STIM2: variants seen among roughly 807,000 people sequenced by gnomAD.
STIM2 encodes the protein stromal interaction molecule 2.
A neutral mutation model predicts 85.8 loss-of-function variants in STIM2; 31 were observed. That is an observed-to-expected ratio of 0.36 (90% CI 0.27 to 0.49). The LOEUF (loss-of-function observed/expected upper bound fraction) is 0.49. STIM2 is among the 20% of genes least tolerant of loss of function. STIM2 has a pLI of 0.98. For missense variants in STIM2, 841 were observed against 927.6 expected, an observed-to-expected ratio of 0.91 and a Z score of 1.21; for synonymous variants, 356 against 331.1, an observed-to-expected ratio of 1.08 and a Z score of -0.82.
In STIM2 at chr4:26,870,630, T is replaced by C. The variant is rs114084999; in HGVS notation, c.151+9261T>C. On this transcript the variant is annotated intron_variant, in intron 1 of 11. Coordinates refer to ENST00000467087, the MANE Select transcript of STIM2 (RefSeq NM_020860.4). ...AGGTATCATTCCTTTTTCACTCTTT[T>C]GTATACTTTATTAAAAAACAAGCAA... Among the ~76,000 whole-genome samples, 1,353 of 152,298 alleles carry C rather than the reference T, an allele frequency of 8.9e-3. 29 individuals are homozygous for C. Among genetic ancestry groups the C allele is most frequent in the African/African-American group, 0.031 (1,295 of 41,538 alleles).
At chr4:26,872,239 A>G (rs1722647527) in intron 1 of STIM2, among the ~76,000 whole-genome samples, 1 of 152,196 alleles carries the variant, frequency 6.6e-6, no homozygotes, top group East Asian at 1.9e-4. Context: ...GTGGTCCGAG[A>G]TTAGTTAAAA....
rs1215280672 is a variant in STIM2 at position 27,022,838 on chromosome 4, C to A, written c.2083C>A (p.His695Asn). The A allele has an allele frequency of 9.3e-6, 15 of 1,614,214 alleles. No homozygotes were observed. The highest frequency in any genetic ancestry group is 1.3e-5 in the Non-Finnish European group (15 of 1,180,040). Residue 695 changes from histidine (H) to asparagine (N), a missense_variant, in exon 12 of 12, where the codon CAC becomes AAC. This residue lies in a region of STIM2 where 293 missense variants were observed against 284.5 expected (regional missense o/e 1.03). Coordinates refer to ENST00000467087, the MANE Select transcript of STIM2 (RefSeq NM_020860.4). ...TGGCATCCCGGTGCCTAAACCTCGCCACACATCATGTTCCTCAGCTGGCAA... is the reference window on the plus strand; with the variant it reads ...TGGCATCCCGGTGCCTAAACCTCGCAACACATCATGTTCCTCAGCTGGCAA...
intron 1 of STIM2, among the ~76,000 whole-genome samples, chr4:26,893,356 G>GT (rs1176034526): frequency 6.6e-6 from 1 of 151,914 alleles, no homozygotes; most frequent in African/African-American, 2.4e-5. Flanking sequence ...TACAATTTGT[G>GT]TATGTTTACC....
chr4:26,913,166 A>T (rs1176950179), intron 1 of STIM2, among the ~76,000 whole-genome samples: 1 of 152,126 alleles, frequency 6.6e-6, no homozygotes, highest in Non-Finnish European at 1.5e-5. Context: ...TTTCACTTTC[A>T]TAAGGTCACT....
intron 3 of STIM2, among the ~76,000 whole-genome samples, chr4:26,985,542 C>T (rs1459600555): frequency 6.6e-6 from 1 of 152,084 alleles, no homozygotes; most frequent in African/African-American, 2.4e-5. Context: ...TTCATATAGC[C>T]AACTTTAAAT....
chr4:26,957,778 C>CT, intron 3 of STIM2, 52 bp downstream of exon 3: 1 of 1,110,900 alleles, frequency 9.0e-7, no homozygotes, highest in Non-Finnish European at 1.3e-6. Flanking sequence ...ATCTAGCCTG[C>CT]TTAGTTGTTC....
At chr4:26,974,136 G>A (rs559590789) in intron 3 of STIM2, among the ~76,000 whole-genome samples, 232 of 152,176 alleles carry the variant, frequency 1.5e-3, no homozygotes, top group African/African-American at 5.4e-3. Flanking sequence ...GTCTTTGCGC[G>A]TGCTGTGGGT....
chr4:26,880,622 A>AAT (rs949019233), intron 1 of STIM2, among the ~76,000 whole-genome samples: 2 of 146,390 alleles, frequency 1.4e-5, no homozygotes, highest in Non-Finnish European at 3.0e-5. Context: ...TATATATGTA[A>AAT]ATATATATAT....
chr4:26,861,227 G>A lies in STIM2; in HGVS notation c.9G>A (p.Val3=). ...GGCGGCGCTGGGCTGCGTTGCTGGTGCTCGGGCTGCTGGTAGCCGGAGCGG... is the reference window on the plus strand; with the variant it reads ...GGCGGCGCTGGGCTGCGTTGCTGGTACTCGGGCTGCTGGTAGCCGGAGCGG... The change falls in exon 1 of 12, where the codon GTG becomes GTA. Residue 3 remains valine, a synonymous_variant. Transcript: ENST00000467087. 2 of 1,492,526 alleles carry A rather than the reference G, an allele frequency of 1.3e-6. No individual in the cohort carries two copies. Among genetic ancestry groups the A allele is most frequent in the Non-Finnish European group, 1.8e-6 (2 of 1,128,246 alleles). The allele number at this position is 1,492,526 out of a possible 1,614,324, so 92.5% of individuals were successfully genotyped here.
At chr4:27,003,741 C>G (rs1297925849) in intron 7 of STIM2, among the ~76,000 whole-genome samples, 2 of 152,142 alleles carry the variant, frequency 1.3e-5, no homozygotes, top group East Asian at 1.9e-4. Flanking sequence ...TCGTAAAGTT[C>G]TGGAGGTCAG....
chr4:26,933,578 T>A (rs1222217322), intron 2 of STIM2, among the ~76,000 whole-genome samples: 1 of 152,008 alleles, frequency 6.6e-6, no homozygotes, highest in African/African-American at 2.4e-5. Context: ...ATCATCCTCA[T>A]ATTTTTCCAG....
intron 1 of STIM2, among the ~76,000 whole-genome samples, chr4:26,875,035 T>C (rs981940983): frequency 6.6e-6 from 1 of 152,256 alleles, no homozygotes; most frequent in Non-Finnish European, 1.5e-5. Flanking sequence ...ATTCCTTTAA[T>C]TGAAGCTGAA....
At chr4:27,008,400 G>A (rs1165756715) in intron 8 of STIM2, 28 bp from the exon 9 acceptor site, 9 of 1,415,678 alleles carry the variant, frequency 6.4e-6, no homozygotes, top group Admixed American at 2.2e-5. Flanking sequence ...TTCAAACCTA[G>A]CCTTATTTAG....
Position 26,861,025 on chromosome 4 carries a change from G to A in STIM2, c.-194G>A, listed in dbSNP as rs1362574672. On this transcript the variant is annotated 5_prime_UTR_variant, in exon 1 of 12. Transcript: ENST00000467087. ...GATGGGACCAGGCTGGCGCCCGGCG[G>A]GAGCCCGTGTCTGAGGCGGCGGGGG... 2.4e-6 allele frequency: 3 copies of A among 1,243,106 alleles called. No individual in the cohort carries two copies. The highest frequency in any genetic ancestry group is 3.0e-6 in the Non-Finnish European group (3 of 986,932). The allele number at this position is 1,243,106 out of a possible 1,614,324, so 77.0% of individuals were successfully genotyped here.
At chr4:26,902,611 A>C (rs1205667287) in intron 1 of STIM2, among the ~76,000 whole-genome samples, 3 of 152,210 alleles carry the variant, frequency 2.0e-5, no homozygotes, top group African/African-American at 4.8e-5. Context: ...GCACTGTTTT[A>C]TGAATGACTT....
intron 10 of STIM2, among the ~76,000 whole-genome samples, chr4:27,012,398 TTAAG>T (rs1457530607): frequency 1.3e-5 from 2 of 152,028 alleles, no homozygotes; most frequent in Admixed American, 6.5e-5. Flanking sequence ...TTTTCTATCT[TTAAG>T]TAAAATTGAT....
intron 2 of STIM2, among the ~76,000 whole-genome samples, chr4:26,922,773 T>C (rs546075849): frequency 2.0e-5 from 3 of 152,072 alleles, no homozygotes; most frequent in African/African-American, 7.2e-5. Flanking sequence ...CCTGAAACTA[T>C]TTAGGGCCCT....
Position 26,860,915 on chromosome 4 carries a change from AC to A in STIM2, c.-298del. On this transcript the variant is annotated 5_prime_UTR_variant, in exon 1 of 12. Transcript: ENST00000467087. ...CCGCCTGAAGACGCCGTACCTTTCT[AC>A]CCCCCACCTTTTTTTTTTTTTTTTT... is the stretch of plus-strand genomic sequence containing the variant. 6 of 1,026,916 alleles carry A rather than the reference AC, an allele frequency of 5.8e-6. No homozygotes were observed. Among genetic ancestry groups the A allele is most frequent in the Admixed American group, 6.0e-5 (1 of 16,762 alleles). The allele number at this position is 1,026,916 out of a possible 1,614,324, so 63.6% of individuals were successfully genotyped here. A position where few individuals can be genotyped will look rare whatever the true frequency, so the allele number is the denominator to read the frequency against.
intron 1 of STIM2, among the ~76,000 whole-genome samples, chr4:26,914,189 C>G (rs12651175): frequency 0.088 from 13,377 of 152,182 alleles, 730 homozygotes; most frequent in East Asian, 0.19. Context: ...TTCGCTTATA[C>G]TTTTTCTGTT....
Sources: gnomAD v4.1 joint callset for allele counts (sites outside exome capture counted in the v4.1 genomes callset) on GRCh38, gnomAD v4.1.1 for gene constraint, gnomAD v4.1.1 regional missense constraint, MANE v1.5 for transcripts, NCBI Gene and HGNC (gene_info 2026-07-23, HGNC 2026-07-21) for gene names.